SLC37A3: variants seen among roughly 807,000 people sequenced by gnomAD.
SLC37A3 encodes solute carrier family 37 member 3.
In SLC37A3, 51 loss-of-function variants were observed where a neutral mutation model predicts 67.1. That is an observed-to-expected ratio of 0.76 (90% CI 0.61 to 0.96). The LOEUF (loss-of-function observed/expected upper bound fraction) is 0.96, where lower values mean the gene tolerates loss of function less well. SLC37A3 is among the 40% of genes least tolerant of loss of function. The pLI is 0.00. For missense variants in SLC37A3, 508 were observed against 603.0 expected, an observed-to-expected ratio of 0.84 and a Z score of 1.65; for synonymous variants, 214 against 231.4, an observed-to-expected ratio of 0.92 and a Z score of 0.68.
chr7:140,386,700 C>T (rs975165428), intron 1 of SLC37A3: 21 of 152,276 alleles, frequency 1.4e-4, no homozygotes, highest in Non-Finnish European at 2.5e-4. Context: ...AATTTCAAAA[C>T]CAAATTTCAT....
intron 13 of SLC37A3, among the ~76,000 whole-genome samples, chr7:140,341,131 C>T (rs1037304083): frequency 6.6e-6 from 1 of 152,114 alleles, no homozygotes; most frequent in Admixed American, 6.5e-5. Flanking sequence ...GAGGGTCTCA[C>T]TATGTTGCTT....
chr7:140,364,150 C>G (rs935173782), intron 5 of SLC37A3, among the ~76,000 whole-genome samples: 1 of 151,812 alleles, frequency 6.6e-6, no homozygotes, highest in Non-Finnish European at 1.5e-5. Flanking sequence ...GCTCAGGAGG[C>G]TGAGGCAGCA....
intron 13 of SLC37A3, among the ~76,000 whole-genome samples, chr7:140,342,263 T>C (rs1411971073): frequency 6.6e-6 from 1 of 152,118 alleles, no homozygotes; most frequent in African/African-American, 2.4e-5. Flanking sequence ...ACATCAGCAA[T>C]TCACCCCCAT....
intron 13 of SLC37A3, among the ~76,000 whole-genome samples, chr7:140,338,155 G>A (rs2117006758): frequency 6.6e-6 from 1 of 152,280 alleles, no homozygotes; most frequent in East Asian, 1.9e-4. Context: ...CTCCCAAAGT[G>A]CTGGGATTAC....
Position 140,334,021 on chromosome 7 carries a change from T to C in SLC37A3, c.*1391A>G, listed in dbSNP as rs1796042149. ...ATACAGAATGATCTTAAAATATTGA[T>C]AACTAGTATGGAATTCACAGCCCTG... is the stretch of plus-strand genomic sequence containing the variant. On this transcript the variant is annotated 3_prime_UTR_variant, in exon 15 of 15. Transcript: ENST00000326232. 3 of 152,320 alleles carry C rather than the reference T, an allele frequency of 2.0e-5. No homozygotes were observed. The highest frequency in any genetic ancestry group is 6.5e-5 in the Admixed American group (1 of 15,268). 9.4% of individuals were successfully genotyped at this position (152,320 alleles called of 1,614,324 possible).
intron 13 of SLC37A3, among the ~76,000 whole-genome samples, chr7:140,342,677 CAAA>C (rs11300566): frequency 2.7e-5 from 4 of 146,676 alleles, no homozygotes; most frequent in African/African-American, 7.5e-5. Flanking sequence ...TGAATTTATG[CAAA>C]AAAAAAAAAG....
chr7:140,355,733 A>T lies in SLC37A3; in HGVS notation c.553T>A (p.Cys185Ser), dbSNP rs780467254. Residue 185 changes from cysteine to serine, a missense_variant, in exon 7 of 15, where the codon TGT (cysteine) becomes AGT (serine). Coordinates refer to ENST00000326232, the MANE Select transcript of SLC37A3 (RefSeq NM_207113.3). ...CCCAAAATGTTGCCCACCGAAGCAC[A>T]GGCACTCCAGAGACCAAAAACAACT... ...RGVVFGLWSA[C>S]ASVGNILGAC... 3 of 1,613,928 alleles carry T rather than the reference A, an allele frequency of 1.9e-6. No individual in the cohort carries two copies. The Admixed American group carries it at 5.0e-5, about 27-fold the overall frequency.
At chr7:140,363,432 C>T (rs557514970) in intron 5 of SLC37A3, among the ~76,000 whole-genome samples, 2,128 of 89,882 alleles carry the variant, frequency 0.024, 102 homozygotes, top group Non-Finnish European at 0.035. Flanking sequence ...GCTGTGTCCA[C>T]TCAGGGTTAA....
intron 5 of SLC37A3, among the ~76,000 whole-genome samples, chr7:140,359,467 A>T (rs1255114946): frequency 2.0e-5 from 3 of 152,194 alleles, no homozygotes; most frequent in Non-Finnish European, 4.4e-5. Flanking sequence ...GAGCCCAGGG[A>T]GGCCACCTTT....
At chr7:140,335,625 GT>G in intron 14 of SLC37A3, 121 bp from the exon 15 acceptor site, 2 of 1,200,934 alleles carry the variant, frequency 1.7e-6, no homozygotes, top group Middle Eastern at 2.9e-4. Context: ...CAAAGATAAT[GT>G]TTAATCTTCA....
chr7:140,391,619 TGTGGA>T (rs1798728787), intron 1 of SLC37A3, among the ~76,000 whole-genome samples: 1 of 152,164 alleles, frequency 6.6e-6, no homozygotes, highest in South Asian at 2.1e-4. Context: ...ATCCCTCCCC[TGTGGA>T]GTTCTAATTA....
chr7:140,388,015 A>G (rs1798574867), intron 1 of SLC37A3, among the ~76,000 whole-genome samples: 1 of 142,616 alleles, frequency 7.0e-6, no homozygotes, highest in South Asian at 2.2e-4. Context: ...ACCTATAGTC[A>G]CCATATTGTA....
chr7:140,390,841 G>T lies in SLC37A3; in HGVS notation c.-71+7575C>A, dbSNP rs577991712. ...TCAACAGTCATCTGACCTCAACAAG[G>T]CTCCCAATTCAGTAGCCTTGTTTTT... On this transcript the variant is annotated intron_variant, in intron 1 of 14. Transcript: ENST00000326232. 3.9e-4 allele frequency among the ~76,000 whole-genome samples: 60 copies of T among 151,978 alleles called. 1 individual carries two copies. The highest frequency in any genetic ancestry group is 7.8e-4 in the Non-Finnish European group (53 of 67,998).
intron 5 of SLC37A3, among the ~76,000 whole-genome samples, chr7:140,360,978 A>C (rs561968868): frequency 3.4e-4 from 52 of 152,224 alleles, no homozygotes; most frequent in Non-Finnish European, 2.6e-4. Context: ...AGGGAAAGCA[A>C]GACTGAACCA....
chr7:140,335,598 T>C (rs1796103343), intron 14 of SLC37A3, 94 bp from the exon 15 acceptor site: 1 of 1,427,742 alleles, frequency 7.0e-7, no homozygotes, highest in Non-Finnish European at 9.5e-7. Flanking sequence ...GACAATTACA[T>C]TCATTTTGAC....
chr7:140,337,265 T>TTA lies in SLC37A3; in HGVS notation c.1392+18_1392+19insTA. 1 of 1,481,432 alleles carries TTA rather than the reference T, an allele frequency of 6.8e-7. No individual in the cohort carries two copies. Among genetic ancestry groups the TTA allele is most frequent in the Non-Finnish European group, 9.0e-7 (1 of 1,109,346 alleles). 91.8% of individuals were successfully genotyped at this position (1,481,432 alleles called of 1,614,324 possible). A position where few individuals can be genotyped will look rare whatever the true frequency, so the allele number is the denominator to read the frequency against. On this transcript the variant is annotated intron_variant, in intron 14 of 14. Coordinates refer to ENST00000326232, the MANE Select transcript of SLC37A3 (RefSeq NM_207113.3). ...AACAGAAAAATGACTTTTTTTTTTT[T>TTA]AAAGGGGCACACACTTACCATGAGA...
chr7:140,338,132 C>T (rs1000340152), intron 13 of SLC37A3, among the ~76,000 whole-genome samples: 1 of 152,088 alleles, frequency 6.6e-6, no homozygotes, highest in Admixed American at 6.6e-5. Context: ...CCTTGTGATC[C>T]GTCCACCTCG....
chr7:140,337,098 C>CA (rs1172096190), intron 14 of SLC37A3, among the ~76,000 whole-genome samples, 186 bp downstream of exon 14: 26,355 of 69,538 alleles, frequency 0.38, 4,620 homozygotes, highest in Middle Eastern at 0.49. Flanking sequence ...GACTCTGCCT[C>CA]AAAAAAAAAA....
intron 1 of SLC37A3, among the ~76,000 whole-genome samples, chr7:140,388,118 CA>C (rs142381447): frequency 4.8e-5 from 7 of 146,260 alleles, no homozygotes; most frequent in South Asian, 4.3e-4. Context: ...TTTTAAAAGA[CA>C]AAAAAAAAAT....
Sources: allele counts gnomAD v4.1 joint callset (sites outside exome capture counted in the v4.1 genomes callset), GRCh38; gene constraint gnomAD v4.1.1; transcripts MANE v1.5; gene names NCBI Gene and HGNC (gene_info 2026-07-23, HGNC 2026-07-21).